WARS2: variants seen among roughly 807,000 people sequenced by gnomAD.
WARS2 encodes tryptophanyl tRNA synthetase 2, mitochondrial.
WARS2 carries 28 observed loss-of-function variants against 36.5 expected under a neutral mutation model. The observed-to-expected ratio is 0.77, with a 90% CI of 0.57 to 1.05. The LOEUF (loss-of-function observed/expected upper bound fraction) is 1.05. WARS2 is among the 50% of genes least tolerant of loss of function. WARS2 has a pLI of 0.00. For missense variants in WARS2, 435 were observed against 456.8 expected, an observed-to-expected ratio of 0.95 and a Z score of 0.44; for synonymous variants, 174 against 178.4, an observed-to-expected ratio of 0.98 and a Z score of 0.20.
At chr1:119,049,057 G>A (rs565490605) in intron 2 of WARS2, among the ~76,000 whole-genome samples, 1 of 152,114 alleles carries the variant, frequency 6.6e-6, no homozygotes, top group Non-Finnish European at 1.5e-5. Context: ...GGGCAACGGA[G>A]CGAGACTCTG....
intron 1 of WARS2, among the ~76,000 whole-genome samples, chr1:119,110,173 G>A (rs1654531581): frequency 6.6e-6 from 1 of 151,788 alleles, no homozygotes; most frequent in Non-Finnish European, 1.5e-5. Flanking sequence ...GCTAAATTAG[G>A]AATAAGAAAG....
At chr1:119,098,374 G>A (rs1449242942) in intron 1 of WARS2, among the ~76,000 whole-genome samples, 1 of 152,196 alleles carries the variant, frequency 6.6e-6, no homozygotes, top group Non-Finnish European at 1.5e-5. Flanking sequence ...TAGAGTGCAA[G>A]TAATCTCACT....
At chr1:119,091,040 A>T (rs1653009630) in intron 1 of WARS2, among the ~76,000 whole-genome samples, 1 of 152,254 alleles carries the variant, frequency 6.6e-6, no homozygotes, top group Admixed American at 6.5e-5. Flanking sequence ...ACAATGTTAA[A>T]TGATTTATTA....
At chr1:119,119,052 T>C (rs1476618155) in intron 1 of WARS2, among the ~76,000 whole-genome samples, 1 of 152,134 alleles carries the variant, frequency 6.6e-6, no homozygotes, top group Non-Finnish European at 1.5e-5. Context: ...ACTAGCATGA[T>C]GAATAAAACA....
chr1:119,134,330 A>AAAC (rs1332339064), intron 1 of WARS2, among the ~76,000 whole-genome samples: 21 of 150,978 alleles, frequency 1.4e-4, no homozygotes, highest in Non-Finnish European at 2.5e-4. Context: ...AAAAAAAAAA[A>AAAC]AAAAAAAAAA....
intron 4 of WARS2, among the ~76,000 whole-genome samples, chr1:119,038,190 T>C (rs895712532): frequency 6.6e-6 from 1 of 152,216 alleles, no homozygotes; most frequent in Non-Finnish European, 1.5e-5. Flanking sequence ...GGTGTAGGCA[T>C]TTGCCTAATA....
chr1:119,034,015 A>G lies in WARS2; in HGVS notation c.634+80T>C, dbSNP rs1265575925. On this transcript the variant is annotated intron_variant, in intron 5 of 5. Coordinates refer to ENST00000235521, the MANE Select transcript of WARS2 (RefSeq NM_015836.4). ...TACAAGAAAGCTGAGGTTAGTCCCAAGAAAGTTCCAAGCCTATCTATTGTC... is the reference window on the plus strand; with the variant it reads ...TACAAGAAAGCTGAGGTTAGTCCCAGGAAAGTTCCAAGCCTATCTATTGTC... The G allele has an allele frequency of 3.1e-6, 4 of 1,286,620 alleles. No individual in the cohort carries two copies. The Admixed American group carries it at 5.3e-5, about 17-fold the overall frequency. 79.7% of individuals were successfully genotyped at this position (1,286,620 alleles called of 1,614,324 possible). A position where few individuals can be genotyped will look rare whatever the true frequency, so the allele number is the denominator to read the frequency against.
At chr1:119,126,959 T>C (rs1354549351) in intron 1 of WARS2, 42 of 738,830 alleles carry the variant, frequency 5.7e-5, no homozygotes, top group East Asian at 1.5e-4. Context: ...TTTTTGATCA[T>C]GGAACACATT....
intron 4 of WARS2, among the ~76,000 whole-genome samples, chr1:119,038,238 T>C (rs748438194): frequency 6.6e-6 from 1 of 152,152 alleles, no homozygotes; most frequent in Non-Finnish European, 1.5e-5. Context: ...AAATTATTGC[T>C]TAGGTAGAGT....
At chr1:119,127,496 T>C (rs1655753882) in intron 1 of WARS2, among the ~76,000 whole-genome samples, 1 of 152,138 alleles carries the variant, frequency 6.6e-6, no homozygotes, top group African/African-American at 2.4e-5. Flanking sequence ...GAAAATGAGG[T>C]ACAGAGAGGC....
At chr1:119,094,596 T>C (rs587726811) in intron 1 of WARS2, among the ~76,000 whole-genome samples, 1 of 152,306 alleles carries the variant, frequency 6.6e-6, no homozygotes, top group South Asian at 2.1e-4. Flanking sequence ...CAGCATGATG[T>C]TATGGGATAT....
At chr1:119,089,067 T>C (rs1301377118) in intron 1 of WARS2, among the ~76,000 whole-genome samples, 3 of 152,218 alleles carry the variant, frequency 2.0e-5, no homozygotes, top group Admixed American at 2.0e-4. Context: ...TAATGTATGA[T>C]ATAATTCCCT....
intron 1 of WARS2, among the ~76,000 whole-genome samples, chr1:119,130,599 C>T (rs1248858076): frequency 1.3e-5 from 2 of 152,156 alleles, no homozygotes; most frequent in Non-Finnish European, 2.9e-5. Context: ...ACAAACATTA[C>T]ACAACTTTTG....
chr1:119,102,090 C>T (rs1242242498), intron 1 of WARS2, among the ~76,000 whole-genome samples: 2 of 151,834 alleles, frequency 1.3e-5, no homozygotes, highest in Non-Finnish European at 2.9e-5. Context: ...GGCAATAATT[C>T]GATTTAGTTA....
At chr1:119,080,401 G>A (rs1557966521) in intron 1 of WARS2, among the ~76,000 whole-genome samples, 1 of 152,090 alleles carries the variant, frequency 6.6e-6, no homozygotes, top group Admixed American at 6.5e-5. Context: ...GAGACTGTGG[G>A]AAAAAAGTAT....
rs1651763859 is a variant in WARS2 at position 119,076,675 on chromosome 1, T to C, written c.91-68A>G. The C allele has an allele frequency of 2.5e-6, 4 of 1,586,758 alleles. No homozygotes were observed. In the Admixed American group the frequency reaches 6.9e-5, roughly 28 times the overall value. On this transcript the variant is annotated intron_variant, in intron 1 of 5. Transcript: ENST00000235521. ...TCCCATGAATCCTATGCCCATGTTA[T>C]CATAGCTATGGGAGCTAGTTATATT...
chr1:119,053,511 C>G (rs1193089472), intron 2 of WARS2, among the ~76,000 whole-genome samples: 3 of 152,104 alleles, frequency 2.0e-5, no homozygotes, highest in African/African-American at 7.2e-5. Flanking sequence ...TGGCAGACAG[C>G]TGATTTTTTT....
chr1:119,140,400 T>G (rs897319770), intron 1 of WARS2, 155 bp downstream of exon 1: 14 of 575,996 alleles, frequency 2.4e-5, no homozygotes, highest in Non-Finnish European at 4.1e-5. Flanking sequence ...CACTACGCTC[T>G]GAGCAGGCCG....
chr1:119,057,000 TC>T (rs1311348169), intron 2 of WARS2, among the ~76,000 whole-genome samples: 1 of 152,198 alleles, frequency 6.6e-6, no homozygotes, highest in Non-Finnish European at 1.5e-5. Flanking sequence ...TGTAAAATAA[TC>T]CCAGTTTCTC....
Sources: gnomAD v4.1 joint callset for allele counts (sites outside exome capture counted in the v4.1 genomes callset) on GRCh38, gnomAD v4.1.1 for gene constraint, MANE v1.5 for transcripts, NCBI Gene and HGNC (gene_info 2026-07-23, HGNC 2026-07-21) for gene names.